Variants in ODAD2 observed in about 807,000 individuals in gnomAD.
ODAD2 encodes the protein outer dynein arm-docking complex subunit 2.
Under a neutral mutation model 106.8 loss-of-function variants are expected in ODAD2, and 89 were observed. The observed-to-expected ratio is 0.83, with a 90% CI of 0.70 to 0.99. ODAD2 has a LOEUF of 0.99. ODAD2 is among the 50% of genes least tolerant of loss of function. The probability of loss-of-function intolerance (pLI) is 0.00; values close to 1 mark genes in which losing one functional copy is unlikely to be tolerated. For synonymous variants in ODAD2, 404 were observed against 436.2 expected, an observed-to-expected ratio of 0.93 and a Z score of 0.92; for missense variants, 1,168 against 1,238.5, an observed-to-expected ratio of 0.94 and a Z score of 0.85.
At chr10:27,872,528 C>T (rs1011804252) in intron 17 of ODAD2, among the ~76,000 whole-genome samples, 3 of 152,046 alleles carry the variant, frequency 2.0e-5, no homozygotes, top group Admixed American at 6.5e-5. Context: ...GAGATACGTC[C>T]CATCAATACC....
At chr10:27,923,012 A>G (rs1247182014) in intron 16 of ODAD2, among the ~76,000 whole-genome samples, 1 of 150,284 alleles carries the variant, frequency 6.7e-6, no homozygotes, top group Non-Finnish European at 1.5e-5. Context: ...AAAAATTTAT[A>G]GGTACAAAGA....
At chr10:27,816,250 A>G (rs1256277037) in intron 19 of ODAD2, among the ~76,000 whole-genome samples, 1 of 152,214 alleles carries the variant, frequency 6.6e-6, no homozygotes, top group Non-Finnish European at 1.5e-5. Flanking sequence ...GTAATTGCCT[A>G]AATTGTGAAA....
chr10:27,861,043 G>A (rs1299901947), intron 18 of ODAD2, among the ~76,000 whole-genome samples, 197 bp from the exon 19 acceptor site: 5 of 152,172 alleles, frequency 3.3e-5, no homozygotes, highest in Non-Finnish European at 4.4e-5. Flanking sequence ...CCAGGCTGAA[G>A]TGCAGTGGTG....
At chr10:27,927,548 T>C (rs192098908) in intron 16 of ODAD2, among the ~76,000 whole-genome samples, 46 of 152,278 alleles carry the variant, frequency 3.0e-4, no homozygotes, top group African/African-American at 1.1e-3. Context: ...TGAAACTTAG[T>C]GTATTTATAA....
At chr10:27,827,412 T>TATATATATATATATATATATATATA (rs1837152527) in intron 19 of ODAD2, among the ~76,000 whole-genome samples, 1 of 139,274 alleles carries the variant, frequency 7.2e-6, no homozygotes, top group Non-Finnish European at 1.5e-5. Context: ...TATATATATA[T>TATATATATATATATATATATATATA]TCCATGTTTC....
At position 27,831,989 on chromosome 10, in the gene ODAD2, A is replaced by T. The variant is rs560909737; in HGVS notation, c.3022-19364T>A. ...CAGTGCATCATTGCTCCTGCACAAC[A>T]TTGGACTCACAGTCAAGCATATTCG... is the stretch of plus-strand genomic sequence containing the variant. On this transcript the variant is annotated intron_variant, in intron 19 of 19. Coordinates refer to ENST00000305242, the MANE Select transcript of ODAD2 (RefSeq NM_018076.5). Among the ~76,000 whole-genome samples the T allele has an allele frequency of 3.3e-5, 5 of 152,366 alleles. No homozygotes were observed. The South Asian group carries it at 6.2e-4, about 19-fold the overall frequency.
intron 12 of ODAD2, among the ~76,000 whole-genome samples, chr10:27,941,504 A>AAAG (rs1469360951): frequency 1.3e-5 from 2 of 151,160 alleles, no homozygotes; most frequent in African/African-American, 2.4e-5. Context: ...AAAAAAGAAA[A>AAAG]AAAAAAAACC....
chr10:27,847,347 G>T (rs1451173823), intron 19 of ODAD2, among the ~76,000 whole-genome samples: 3 of 152,200 alleles, frequency 2.0e-5, no homozygotes, highest in Non-Finnish European at 4.4e-5. Flanking sequence ...AATAGATGCA[G>T]AAAAGGCCTT....
At chr10:27,975,998 C>T (rs35969112) in intron 7 of ODAD2, among the ~76,000 whole-genome samples, 30,287 of 151,952 alleles carry the variant, frequency 0.2, 3,486 homozygotes, top group Middle Eastern at 0.29. Context: ...AAAAATTAAT[C>T]AAAGCAATTA....
At chr10:27,909,552 T>A (rs1040585762) in intron 16 of ODAD2, among the ~76,000 whole-genome samples, 1 of 152,068 alleles carries the variant, frequency 6.6e-6, no homozygotes, top group African/African-American at 2.4e-5. Flanking sequence ...GCCCAGTGAC[T>A]CACACCTGTA....
At chr10:27,893,953 C>CA (rs1209647721) in intron 17 of ODAD2, among the ~76,000 whole-genome samples, 2 of 151,922 alleles carry the variant, frequency 1.3e-5, no homozygotes, top group East Asian at 3.9e-4. Context: ...AGTTTGAGAT[C>CA]ATCCTGGGCA....
At chr10:27,864,064 G>C (rs1196812848) in intron 17 of ODAD2, among the ~76,000 whole-genome samples, 2 of 152,004 alleles carry the variant, frequency 1.3e-5, no homozygotes, top group Non-Finnish European at 2.9e-5. Context: ...CAGGGTGCAG[G>C]GTTGGAGTGG....
intron 10 of ODAD2, among the ~76,000 whole-genome samples, chr10:27,959,241 G>A (rs1367823020): frequency 7.9e-6 from 1 of 127,290 alleles, no homozygotes; most frequent in East Asian, 2.3e-4. Context: ...GGCGAGGAGG[G>A]GAGGAAGAAA....
At chr10:27,840,070 A>C (rs1838197462) in intron 19 of ODAD2, among the ~76,000 whole-genome samples, 1 of 152,222 alleles carries the variant, frequency 6.6e-6, no homozygotes, top group Admixed American at 6.5e-5. Flanking sequence ...TCTTTAATAA[A>C]AATAAAACAA....
At chr10:27,913,926 G>A (rs1184116158) in intron 16 of ODAD2, among the ~76,000 whole-genome samples, 5 of 152,108 alleles carry the variant, frequency 3.3e-5, no homozygotes, top group African/African-American at 1.2e-4. Context: ...GCAGTTCGGA[G>A]ATTTCTCAAA....
At chr10:27,899,682 T>C (rs544142246) in intron 17 of ODAD2, among the ~76,000 whole-genome samples, 1 of 152,018 alleles carries the variant, frequency 6.6e-6, no homozygotes, top group Non-Finnish European at 1.5e-5. Context: ...CCTCACAGTG[T>C]AAACAAAGCC....
intron 2 of ODAD2, among the ~76,000 whole-genome samples, chr10:27,992,864 C>A (rs567009232): frequency 3.4e-4 from 51 of 152,204 alleles, no homozygotes; most frequent in African/African-American, 1.2e-3. Flanking sequence ...TGTACAAAGG[C>A]AAAACAATCA....
Position 27,882,362 on chromosome 10 carries a change from G to A in ODAD2, c.2611-19740C>T, listed in dbSNP as rs1035351763. On this transcript the variant is annotated intron_variant, in intron 17 of 19. Transcript: ENST00000305242. ...GCCAGGGTAGAGGATTACCTATCTG[G>A]ATAATTTCTAAAATGTGTTGCTGTT... is the stretch of plus-strand genomic sequence containing the variant. 2.0e-5 allele frequency among the ~76,000 whole-genome samples: 3 copies of A among 152,118 alleles called. No homozygotes were observed. In the East Asian group the frequency reaches 5.8e-4, roughly 29 times the overall value.
intron 10 of ODAD2, among the ~76,000 whole-genome samples, chr10:27,959,437 G>A (rs562485706): frequency 6.6e-6 from 1 of 152,010 alleles, no homozygotes; most frequent in African/African-American, 2.4e-5. Context: ...ATCACAGGAG[G>A]CCCTGTGGTT....
Sources: allele counts gnomAD v4.1 joint callset (sites outside exome capture counted in the v4.1 genomes callset), GRCh38; gene constraint gnomAD v4.1.1; transcripts MANE v1.5; gene names NCBI Gene and HGNC (gene_info 2026-07-23, HGNC 2026-07-21).